Variants in DPP10 observed in about 807,000 individuals in gnomAD.
DPP10 encodes dipeptidyl peptidase like 10, also known as inactive dipeptidyl peptidase 10.
A neutral mutation model predicts 120.9 loss-of-function variants in DPP10; 33 were observed. That is an observed-to-expected ratio of 0.27 (90% CI 0.21 to 0.37). DPP10 has a LOEUF of 0.37. DPP10 is among the 10% of genes least tolerant of loss of function. The pLI, the probability that DPP10 is intolerant of heterozygous loss-of-function variation, is 1.00. For missense variants in DPP10, 816 were observed against 942.8 expected (o/e 0.87, Z 1.76); for synonymous variants, 337 against 326.1 (o/e 1.03, Z -0.36).
chr2:115,643,987 T>C (rs1439508935), intron 5 of DPP10, among the ~76,000 whole-genome samples: 1 of 152,170 alleles, frequency 6.6e-6, no homozygotes, highest in Non-Finnish European at 1.5e-5. Context: ...GCCATAATCA[T>C]TGGCTCCATT....
chr2:115,629,992 G>C (rs992286126), intron 5 of DPP10, among the ~76,000 whole-genome samples: 3 of 152,012 alleles, frequency 2.0e-5, no homozygotes, highest in Admixed American at 1.3e-4. Flanking sequence ...AAATTATTTT[G>C]GGCTGTATGG....
intron 1 of DPP10, among the ~76,000 whole-genome samples, chr2:115,187,159 C>T (rs2054519363): frequency 1.3e-5 from 2 of 149,052 alleles, no homozygotes; most frequent in African/African-American, 2.5e-5. Context: ...GCCTCAGCCT[C>T]CTGAGTAGCT....
chr2:115,496,525 A>G (rs2076403880), intron 3 of DPP10, among the ~76,000 whole-genome samples: 2 of 152,144 alleles, frequency 1.3e-5, no homozygotes, highest in South Asian at 2.1e-4. Flanking sequence ...TTTTCTTTCG[A>G]TCACCCCTAA....
intron 1 of DPP10, among the ~76,000 whole-genome samples, chr2:114,590,770 TA>T (rs1267737692): frequency 1.1e-4 from 16 of 152,208 alleles, no homozygotes; most frequent in African/African-American, 3.9e-4. Context: ...TAGTAAAATG[TA>T]ATAAGCTAAT....
At chr2:114,901,154 C>T (rs1410994971) in intron 1 of DPP10, among the ~76,000 whole-genome samples, 2 of 152,046 alleles carry the variant, frequency 1.3e-5, no homozygotes, top group Non-Finnish European at 2.9e-5. Flanking sequence ...CCAAATAAGT[C>T]AGCAGTTCAC....
intron 7 of DPP10, among the ~76,000 whole-genome samples, chr2:115,690,225 A>C (rs1378438614): frequency 6.6e-6 from 1 of 152,110 alleles, no homozygotes; most frequent in African/African-American, 2.4e-5. Context: ...CCATTACATA[A>C]TATTGTCAGT....
At chr2:115,391,049 T>A (rs375483058) in intron 3 of DPP10, among the ~76,000 whole-genome samples, 136 of 152,154 alleles carry the variant, frequency 8.9e-4, no homozygotes, top group African/African-American at 3.0e-3. Flanking sequence ...GGAGAAGGAA[T>A]ATGGAAAAAT....
At chr2:115,046,094 C>T (rs1705050880) in intron 1 of DPP10, among the ~76,000 whole-genome samples, 2 of 151,972 alleles carry the variant, frequency 1.3e-5, no homozygotes, top group Non-Finnish European at 2.9e-5. Context: ...CAGCTGTTTT[C>T]ATGTAAAAGC....
intron 1 of DPP10, among the ~76,000 whole-genome samples, chr2:114,595,089 T>TA (rs1691800323): frequency 6.6e-6 from 1 of 152,116 alleles, no homozygotes; most frequent in African/African-American, 2.4e-5. Context: ...AGAATGCTTC[T>TA]AAATGTTATT....
intron 19 of DPP10, among the ~76,000 whole-genome samples, chr2:115,805,957 GT>G (rs1685914543): frequency 6.6e-6 from 1 of 152,090 alleles, no homozygotes; most frequent in Non-Finnish European, 1.5e-5. Flanking sequence ...GTTTTTGCAG[GT>G]GAGAACCCTT....
At chr2:114,685,321 A>AG (rs750634429) in intron 1 of DPP10, among the ~76,000 whole-genome samples, 1,740 of 152,112 alleles carry the variant, frequency 0.011, 11 homozygotes, top group Middle Eastern at 0.027. Context: ...CCATGCTGGG[A>AG]TAGTTATTTT....
At chr2:114,939,414 C>T (rs1379468194) in intron 1 of DPP10, among the ~76,000 whole-genome samples, 1 of 152,000 alleles carries the variant, frequency 6.6e-6, no homozygotes. Context: ...CTTTTTTCCT[C>T]CATTTACTAT....
chr2:115,482,168 C>T (rs1259598658), intron 3 of DPP10, among the ~76,000 whole-genome samples: 1 of 151,668 alleles, frequency 6.6e-6, no homozygotes, highest in East Asian at 1.9e-4. Flanking sequence ...TTTCATATAC[C>T]TTTAAAAAAT....
At chr2:115,528,243 A>G in intron 5 of DPP10, among the ~76,000 whole-genome samples, 1 of 151,980 alleles carries the variant, frequency 6.6e-6, no homozygotes, top group East Asian at 1.9e-4. Flanking sequence ...TAGCATTAGG[A>G]GATATACCTA....
chr2:115,713,540 C>G (rs1327920708), intron 7 of DPP10, among the ~76,000 whole-genome samples: 3 of 152,132 alleles, frequency 2.0e-5, no homozygotes, highest in Admixed American at 2.0e-4. Context: ...AAGGGGGTCA[C>G]TAAGCCTAGT....
intron 5 of DPP10, among the ~76,000 whole-genome samples, chr2:115,683,917 A>C (rs566564882): frequency 6.6e-6 from 1 of 151,924 alleles, no homozygotes; most frequent in South Asian, 2.1e-4. Flanking sequence ...TTCTAGTTAT[A>C]CTAGCTGTGT....
chr2:114,902,604 C>T lies in DPP10; in HGVS notation c.61-406635C>T, dbSNP rs139827936. On this transcript the variant is annotated intron_variant, in intron 1 of 25. Coordinates refer to ENST00000410059, the MANE Select transcript of DPP10 (RefSeq NM_020868.6). Reference sequence around the variant, plus strand: ...ACCAGCTCGTTAAGTTCTACTGCATCCCCAAATAAAAAGCAAGCTGGTATT... The same window carrying T: ...ACCAGCTCGTTAAGTTCTACTGCATTCCCAAATAAAAAGCAAGCTGGTATT... 6.2e-3 allele frequency among the ~76,000 whole-genome samples: 937 copies of T among 152,242 alleles called. 7 individuals carry two copies. Among genetic ancestry groups the T allele is most frequent in the African/African-American group, 0.021 (875 of 41,536 alleles).
Position 115,793,869 on chromosome 2 carries a change from A to T in DPP10, c.1700+2513A>T, listed in dbSNP as rs566767949. On this transcript the variant is annotated intron_variant, in intron 19 of 25. Transcript: ENST00000410059. ...CCAAAAGGAGAATTTCTTTTTTTTTAAATTTATACTTACAATATGATCTAT... is the reference window on the plus strand; with the variant it reads ...CCAAAAGGAGAATTTCTTTTTTTTTTAATTTATACTTACAATATGATCTAT... Among the ~76,000 whole-genome samples the T allele has an allele frequency of 1.0e-3, 157 of 151,772 alleles. 1 individual carries two copies. The highest frequency in any genetic ancestry group is 3.5e-3 in the African/African-American group (144 of 41,284).
chr2:114,748,575 C>T (rs1254339992), intron 1 of DPP10, among the ~76,000 whole-genome samples: 2 of 87,492 alleles, frequency 2.3e-5, no homozygotes, highest in African/African-American at 9.4e-5. Context: ...CACCACAGTC[C>T]CCAGAGTGTG....
Sources: gnomAD v4.1 joint callset for allele counts (sites outside exome capture counted in the v4.1 genomes callset) on GRCh38, gnomAD v4.1.1 for gene constraint, MANE v1.5 for transcripts, NCBI Gene and HGNC (gene_info 2026-07-23, HGNC 2026-07-21) for gene names.